The following C8A variants were observed in gnomAD, a reference collection of about 807,000 sequenced individuals.
C8A encodes the protein complement C8 alpha chain.
In C8A, 67 loss-of-function variants were observed where a neutral mutation model predicts 65.3. That is an observed-to-expected ratio of 1.03 (90% CI 0.84 to 1.26). C8A has a LOEUF of 1.26. Among genes scored for constraint, C8A ranks in the 50% most tolerant of loss-of-function variants. The pLI, the probability that C8A is intolerant of heterozygous loss-of-function variation, is 0.00. For synonymous variants in C8A, 290 were observed against 259.4 expected (o/e 1.12, Z -1.13); for missense variants, 781 against 723.9 (o/e 1.08, Z -0.90).
chr1:56,913,495 G>T (rs538400669), intron 10 of C8A, among the ~76,000 whole-genome samples: 10 of 152,328 alleles, frequency 6.6e-5, no homozygotes, highest in African/African-American at 2.4e-4. Context: ...AAATGAAGAA[G>T]TCTGGGGACT....
intron 1 of C8A, among the ~76,000 whole-genome samples, chr1:56,860,296 T>C (rs1644020469): frequency 6.6e-6 from 1 of 152,062 alleles, no homozygotes; most frequent in South Asian, 2.1e-4. Flanking sequence ...TTGTCATGTT[T>C]GAGAACTGAA....
At position 56,912,512 on chromosome 1, in the gene C8A, G is replaced by A; in HGVS notation, c.1490G>A (p.Cys497Tyr). 6.2e-6 allele frequency: 10 copies of A among 1,614,228 alleles called. No individual in the cohort carries two copies. The highest frequency in any genetic ancestry group is 2.2e-5 in the East Asian group (1 of 44,882). ...LDQYLMEFNA[C>Y]RCGPCFNNGV... ...CAGTATCTGATGGAATTCAATGCCT[G>A]CCGATGTGGGCCTTGCTTCAACAAT... Residue 497 changes from cysteine to tyrosine, a missense_variant, in exon 10 of 11, where the codon TGC becomes TAC. By Grantham distance (194) the Cys-to-Tyr change is radical (BLOSUM62 -2). Coordinates refer to ENST00000361249, the MANE Select transcript of C8A (RefSeq NM_000562.3).
intron 5 of C8A, 75 bp from the exon 6 acceptor site, chr1:56,883,406 A>G (rs1361865351): frequency 4.4e-5 from 58 of 1,316,520 alleles, no homozygotes. Flanking sequence ...TACAAAGCAA[A>G]GATTTAAGTA....
At chr1:56,860,027 C>T (rs963602047) in intron 1 of C8A, among the ~76,000 whole-genome samples, 2 of 152,162 alleles carry the variant, frequency 1.3e-5, no homozygotes, top group Admixed American at 1.3e-4. Flanking sequence ...CGTGCCACTG[C>T]GCTCCAGTCT....
rs527610436 is a variant in C8A at position 56,901,423 on chromosome 1, A to C, written c.1097-5244A>C. On this transcript the variant is annotated intron_variant, in intron 7 of 10. Coordinates refer to ENST00000361249, the MANE Select transcript of C8A (RefSeq NM_000562.3). ...TTCTGCCTGAGAGCCACAGACATGCAGAAGCTCCATGGAGGTGTGAGGGTG... is the reference window on the plus strand; with the variant it reads ...TTCTGCCTGAGAGCCACAGACATGCCGAAGCTCCATGGAGGTGTGAGGGTG... Among the ~76,000 whole-genome samples the C allele has an allele frequency of 8.5e-5, 13 of 152,274 alleles. 1 individual carries two copies. Among genetic ancestry groups the C allele is most frequent in the Admixed American group, 2.0e-4 (3 of 15,294 alleles).
chr1:56,905,281 AAC>A (rs1464638463), intron 7 of C8A, among the ~76,000 whole-genome samples: 1 of 152,148 alleles, frequency 6.6e-6, no homozygotes, highest in Non-Finnish European at 1.5e-5. Context: ...TGGAGATGAC[AAC>A]CTCTTCTTTC....
At chr1:56,875,539 A>G (rs1644190301) in intron 3 of C8A, among the ~76,000 whole-genome samples, 1 of 152,112 alleles carries the variant, frequency 6.6e-6, no homozygotes, top group South Asian at 2.1e-4. Flanking sequence ...AGGTTCCCAA[A>G]TCTGCTTTGG....
In C8A at chr1:56,876,211, T is replaced by C. The variant is rs2097804177; in HGVS notation, c.464+2T>C. ...AGGATCACAGAAGGCAGCCTTGGGG[T>C]GAGGCCCTGCCTACTAGCTATTTAG... On this transcript the variant is annotated splice_donor_variant, in intron 4 of 10. Transcript: ENST00000361249. LOFTEE classifies it high-confidence loss of function. 4.3e-6 allele frequency: 7 copies of C among 1,613,646 alleles called. No homozygotes were observed. The highest frequency in any genetic ancestry group is 5.9e-6 in the Non-Finnish European group (7 of 1,179,780).
chr1:56,867,720 G>T lies in C8A; in HGVS notation c.171+18G>T, dbSNP rs367618723. 72 of 1,582,004 alleles carry T rather than the reference G, an allele frequency of 4.6e-5. No individual in the cohort carries two copies. Among genetic ancestry groups the T allele is most frequent in the Non-Finnish European group, 5.8e-5 (67 of 1,151,222 alleles). Reference sequence around the variant, plus strand: ...ACAAAAAGGTGAGACACTTACAACCGGTTTGGGGGCATTTCATATTTGATA... The same window carrying T: ...ACAAAAAGGTGAGACACTTACAACCTGTTTGGGGGCATTTCATATTTGATA... On this transcript the variant is annotated intron_variant, in intron 2 of 10. Transcript: ENST00000361249.
intron 7 of C8A, among the ~76,000 whole-genome samples, chr1:56,896,071 C>T (rs1180461119): frequency 6.6e-6 from 1 of 152,084 alleles, no homozygotes; most frequent in Non-Finnish European, 1.5e-5. Context: ...GTGTGCTCTA[C>T]TAACTATAAA....
intron 9 of C8A, among the ~76,000 whole-genome samples, chr1:56,911,048 C>T (rs941306285): frequency 1.4e-5 from 2 of 138,372 alleles, no homozygotes; most frequent in African/African-American, 5.4e-5. Flanking sequence ...CATATGCATG[C>T]AATTTGAAAA....
intron 2 of C8A, among the ~76,000 whole-genome samples, chr1:56,870,823 G>T (rs1041184066): frequency 6.6e-6 from 1 of 152,068 alleles, no homozygotes; most frequent in East Asian, 1.9e-4. Context: ...CTGTTAATTA[G>T]GTGAAAGACC....
intron 3 of C8A, among the ~76,000 whole-genome samples, 198 bp from the exon 4 acceptor site, chr1:56,875,864 G>A (rs1375326893): frequency 6.6e-6 from 1 of 152,104 alleles, no homozygotes; most frequent in Non-Finnish European, 1.5e-5. Context: ...TAGAGAGAGA[G>A]AAACTCAGGC....
Position 56,902,624 on chromosome 1 carries a change from G to T in C8A, c.1097-4043G>T, listed in dbSNP as rs576766533. 1.8e-3 allele frequency among the ~76,000 whole-genome samples: 278 copies of T among 152,178 alleles called. 1 individual carries two copies. Among genetic ancestry groups the T allele is most frequent in the Admixed American group, 7.4e-3 (113 of 15,294 alleles). ...TATCTTGTATAATTGAGACTTTATGGTCATTGATTAGTAATTCTACCTTTC... is the reference window on the plus strand; with the variant it reads ...TATCTTGTATAATTGAGACTTTATGTTCATTGATTAGTAATTCTACCTTTC... On this transcript the variant is annotated intron_variant, in intron 7 of 10. Coordinates refer to ENST00000361249, the MANE Select transcript of C8A (RefSeq NM_000562.3).
chr1:56,892,208 C>G (rs1389884115), intron 7 of C8A, among the ~76,000 whole-genome samples: 2 of 152,094 alleles, frequency 1.3e-5, no homozygotes, highest in South Asian at 4.1e-4. Flanking sequence ...TCACCCTAAA[C>G]CCTTCAAGCG....
intron 10 of C8A, among the ~76,000 whole-genome samples, chr1:56,914,026 G>C (rs1271995765): frequency 1.3e-5 from 2 of 152,192 alleles, no homozygotes; most frequent in African/African-American, 2.4e-5. Flanking sequence ...CACCTCACCG[G>C]ATACTGACAA....
At chr1:56,899,603 G>A (rs115260714) in intron 7 of C8A, among the ~76,000 whole-genome samples, 1 of 152,188 alleles carries the variant, frequency 6.6e-6, no homozygotes, top group African/African-American at 2.4e-5. Flanking sequence ...TCGCTCCTGG[G>A]CTAACCACTT....
chr1:56,889,822 C>A (rs959981267), intron 7 of C8A, among the ~76,000 whole-genome samples: 2 of 152,032 alleles, frequency 1.3e-5, no homozygotes, highest in Admixed American at 6.6e-5. Context: ...ACATGCTTCT[C>A]CCCCAAAGAC....
At chr1:56,892,211 T>G (rs1644351993) in intron 7 of C8A, among the ~76,000 whole-genome samples, 1 of 152,072 alleles carries the variant, frequency 6.6e-6, no homozygotes, top group African/African-American at 2.4e-5. Flanking sequence ...CCCTAAACCC[T>G]TCAAGCGTTT....
Sources: allele counts gnomAD v4.1 joint callset (sites outside exome capture counted in the v4.1 genomes callset), GRCh38; gene constraint gnomAD v4.1.1; transcripts MANE v1.5; gene names NCBI Gene and HGNC (gene_info 2026-07-23, HGNC 2026-07-21).